KIRREL1: variants seen among roughly 807,000 people sequenced by gnomAD.
KIRREL1 encodes the protein kin of IRRE-like protein 1.
A neutral mutation model predicts 83.3 loss-of-function variants in KIRREL1; 25 were observed. The observed-to-expected ratio is 0.30, with a 90% confidence interval of 0.22 to 0.42. The LOEUF is 0.42. Ranked by LOEUF, KIRREL1 falls within the 10% of genes least tolerant of loss-of-function variation. The pLI, the probability that KIRREL1 is intolerant of heterozygous loss-of-function variation, is 1.00. For missense variants in KIRREL1, 812 were observed against 1,032.3 expected, an observed-to-expected ratio of 0.79 and a Z score of 2.92; for synonymous variants, 388 against 410.4, an observed-to-expected ratio of 0.95 and a Z score of 0.66.
At chr1:158,026,859 C>G (rs556345105) in intron 1 of KIRREL1, among the ~76,000 whole-genome samples, 3 of 152,264 alleles carry the variant, frequency 2.0e-5, no homozygotes, top group Non-Finnish European at 4.4e-5. Context: ...TTTTCCTCTG[C>G]TCTGCACCCC....
chr1:158,072,939 T>C (rs2101620692), intron 1 of KIRREL1, among the ~76,000 whole-genome samples: 1 of 152,122 alleles, frequency 6.6e-6, no homozygotes, highest in South Asian at 2.1e-4. Flanking sequence ...AGGTGTTGGT[T>C]TGCCCTTGAG....
At chr1:158,083,653 C>A (rs1243181597) in intron 3 of KIRREL1, among the ~76,000 whole-genome samples, 21 of 152,260 alleles carry the variant, frequency 1.4e-4, no homozygotes, top group East Asian at 1.2e-3. Flanking sequence ...AATAGGCCAG[C>A]CCATCTGTCT....
intron 3 of KIRREL1, among the ~76,000 whole-genome samples, chr1:158,080,463 C>A (rs749821055): frequency 3.9e-5 from 6 of 152,132 alleles, no homozygotes; most frequent in Non-Finnish European, 8.8e-5. Flanking sequence ...TGAAGGAGAG[C>A]TACATAGCAG....
At chr1:158,064,738 C>T (rs1304224757) in intron 1 of KIRREL1, among the ~76,000 whole-genome samples, 1 of 152,062 alleles carries the variant, frequency 6.6e-6, no homozygotes, top group Non-Finnish European at 1.5e-5. Context: ...GTGTTATGGG[C>T]ATGTCTAGTG....
chr1:158,068,810 G>A (rs377349295), intron 1 of KIRREL1, among the ~76,000 whole-genome samples: 21 of 151,832 alleles, frequency 1.4e-4, no homozygotes, highest in South Asian at 4.2e-4. Flanking sequence ...GGGTTGGGGG[G>A]AAAAGAGTCC....
intron 1 of KIRREL1, among the ~76,000 whole-genome samples, chr1:158,068,419 T>C (rs567269104): frequency 6.6e-6 from 1 of 152,338 alleles, no homozygotes; most frequent in East Asian, 1.9e-4. Flanking sequence ...GTCAGTCACA[T>C]CAAAATTTGA....
At position 158,091,567 on chromosome 1, in the gene KIRREL1, G is replaced by T. The variant is rs1662197268; in HGVS notation, c.1471+11G>T. The T allele has an allele frequency of 6.2e-7, 1 of 1,613,702 alleles. No homozygotes were observed. Among genetic ancestry groups the T allele is most frequent in the Admixed American group, 1.7e-5 (1 of 60,004 alleles). On this transcript the variant is annotated intron_variant, in intron 11 of 14. Transcript: ENST00000359209. ...AGCTGGAAGAGCGAGGTGACTGGTA[G>T]TGCTGCCTGCCAGCTGGGGTGCAGA...
At position 158,078,155 on chromosome 1, in the gene KIRREL1, AC is replaced by A. The variant is rs1328686030; in HGVS notation, c.352+18del. ...CACCGTGCTCAGTAAGGACCCCAAT[AC>A]CCTTCAGTACTTCGAGGCCCTGTCT... On this transcript the variant is annotated intron_variant, in intron 3 of 14. Transcript: ENST00000359209. 1 of 1,606,654 alleles carries A rather than the reference AC, an allele frequency of 6.2e-7. No individual in the cohort carries two copies. Among genetic ancestry groups the A allele is most frequent in the Non-Finnish European group, 8.5e-7 (1 of 1,175,166 alleles).
At chr1:158,060,970 C>T (rs1287927639) in intron 1 of KIRREL1, among the ~76,000 whole-genome samples, 1 of 152,104 alleles carries the variant, frequency 6.6e-6, no homozygotes, top group Non-Finnish European at 1.5e-5. Flanking sequence ...CTGCTCCTGT[C>T]CCCACCTTCC....
chr1:158,012,700 G>A (rs1266976858), intron 1 of KIRREL1, among the ~76,000 whole-genome samples: 1 of 152,226 alleles, frequency 6.6e-6, no homozygotes, highest in Non-Finnish European at 1.5e-5. Context: ...CTCACTGGGA[G>A]TTGTGAATAT....
intron 1 of KIRREL1, among the ~76,000 whole-genome samples, chr1:158,026,610 A>C (rs1465957394): frequency 6.6e-6 from 1 of 152,220 alleles, no homozygotes. Context: ...TAGCTAACCA[A>C]GTGCCAGATA....
At chr1:158,040,363 A>G (rs1054437819) in intron 1 of KIRREL1, among the ~76,000 whole-genome samples, 1 of 152,224 alleles carries the variant, frequency 6.6e-6, no homozygotes, top group Non-Finnish European at 1.5e-5. Context: ...AGAGACATGG[A>G]AAAGAAAAAA....
At chr1:158,081,335 T>C (rs570708889) in intron 3 of KIRREL1, among the ~76,000 whole-genome samples, 8 of 152,366 alleles carry the variant, frequency 5.3e-5, no homozygotes, top group African/African-American at 1.9e-4. Flanking sequence ...TGAAATATAC[T>C]TTGTGGTAGG....
Position 158,069,803 on chromosome 1 carries a change from C to CT in KIRREL1, c.53-6303dup, listed in dbSNP as rs1473640379. ...GTTTCTTGATGTCCCTGAGCCTTAG[C>CT]TTTTTTTATTAAGGATAGTAATTGT... is the stretch of plus-strand genomic sequence containing the variant. On this transcript the variant is annotated intron_variant, in intron 1 of 14. Transcript: ENST00000359209. Among the ~76,000 whole-genome samples the CT allele has an allele frequency of 9.9e-5, 15 of 152,258 alleles. No individual in the cohort carries two copies. The East Asian group carries it at 1.9e-3, about 20-fold the overall frequency.
intron 10 of KIRREL1, among the ~76,000 whole-genome samples, chr1:158,090,531 C>T (rs897971605): frequency 4.6e-5 from 7 of 152,170 alleles, no homozygotes; most frequent in South Asian, 2.1e-4. Context: ...GCTGGCCTCC[C>T]GGGGGGCTTT....
At chr1:158,093,572 C>G (rs1284740545) in intron 12 of KIRREL1, 51 bp from the exon 13 acceptor site, 1 of 1,612,048 alleles carries the variant, frequency 6.2e-7, no homozygotes, top group Non-Finnish European at 8.5e-7. Context: ...GAAGCAGCCG[C>G]TGCAGAGACC....
Position 158,076,281 on chromosome 1 carries a change from A to G in KIRREL1, c.202+19A>G. On this transcript the variant is annotated intron_variant, in intron 2 of 14. Transcript: ENST00000359209. ...CTCAAAGGTGAGTGCCTGGCTACCC[A>G]ACGTCCAAACTGTCCCATCTTCTCC... is the stretch of plus-strand genomic sequence containing the variant. 1.9e-6 allele frequency: 3 copies of G among 1,611,606 alleles called. No homozygotes were observed. The highest frequency in any genetic ancestry group is 2.5e-6 in the Non-Finnish European group (3 of 1,178,238).
At chr1:158,048,035 T>C (rs1335691430) in intron 1 of KIRREL1, among the ~76,000 whole-genome samples, 1 of 152,206 alleles carries the variant, frequency 6.6e-6, no homozygotes, top group Non-Finnish European at 1.5e-5. Context: ...CTCTTTTGCC[T>C]GATCTTACAT....
chr1:158,013,216 A>AT (rs1250165307), intron 1 of KIRREL1, among the ~76,000 whole-genome samples: 1 of 152,142 alleles, frequency 6.6e-6, no homozygotes, highest in Admixed American at 6.5e-5. Context: ...GAAGTAAAGT[A>AT]TTTTGTCTTC....
Sources: gnomAD v4.1 joint callset for allele counts (sites outside exome capture counted in the v4.1 genomes callset) on GRCh38, gnomAD v4.1.1 for gene constraint, MANE v1.5 for transcripts, NCBI Gene and HGNC (gene_info 2026-07-23, HGNC 2026-07-21) for gene names.